The following DGKD variants were observed in gnomAD, a reference collection of about 807,000 sequenced individuals.
The protein encoded by DGKD is diacylglycerol kinase delta.
DGKD carries 68 observed loss-of-function variants against 154.4 expected under a neutral mutation model. The ratio of observed to expected loss-of-function variants is 0.44; its 90% CI spans 0.36 to 0.54. The LOEUF (loss-of-function observed/expected upper bound fraction) is 0.54. Among genes scored for constraint, DGKD ranks in the 20% least tolerant of loss-of-function variants. The pLI, the probability that DGKD is intolerant of heterozygous loss-of-function variation, is 0.00. For missense variants in DGKD, 1,343 were observed against 1,593.6 expected (o/e 0.84, Z 2.68); for synonymous variants, 693 against 638.0 (o/e 1.09, Z -1.30).
rs181442472 is a variant in DGKD at position 233,403,909 on chromosome 2, G to A, written c.348+13426G>A. Among the ~76,000 whole-genome samples, 8 of 152,156 alleles carry A rather than the reference G, an allele frequency of 5.3e-5. No homozygotes were observed. The East Asian group carries it at 1.6e-3, about 30-fold the overall frequency. On this transcript the variant is annotated intron_variant, in intron 3 of 29. Coordinates refer to ENST00000264057, the MANE Select transcript of DGKD (RefSeq NM_152879.3). ...CCCACCTTGGATTCCCAAAGTGCTG[G>A]GATTACAGGCGTGAGCCACTGCGCC...
At chr2:233,413,914 A>G (rs531963967) in intron 3 of DGKD, among the ~76,000 whole-genome samples, 2 of 152,168 alleles carry the variant, frequency 1.3e-5, no homozygotes, top group South Asian at 2.1e-4. Context: ...ACTTCTTTTC[A>G]TTTTTACAAT....
At position 233,388,259 on chromosome 2, in the gene DGKD, C is replaced by T; in HGVS notation, c.159C>T (p.Thr53=). ...TGAATATGTTTCTGTACTTTCAGAC[C>T]ATCATCAAAGAGGGGATGCTGACCA... ...VSTSGQIRQK[T]IIKEGMLTKQ... is the part of the protein sequence containing the mutation. Residue 53 remains threonine, a splice_region_variant and synonymous_variant, in exon 2 of 30, where the codon ACC becomes ACT. Transcript: ENST00000264057. 2 of 1,611,860 alleles carry T rather than the reference C, an allele frequency of 1.2e-6. No individual in the cohort carries two copies. Among genetic ancestry groups the T allele is most frequent in the Non-Finnish European group, 8.5e-7 (1 of 1,179,422 alleles).
At chr2:233,424,107 T>TG (rs1368019971) in intron 3 of DGKD, among the ~76,000 whole-genome samples, 3 of 152,228 alleles carry the variant, frequency 2.0e-5, no homozygotes, top group African/African-American at 4.8e-5. Context: ...TACCCATCCC[T>TG]GCTCGCTCGT....
chr2:233,362,695 A>T (rs1383693996), intron 1 of DGKD, among the ~76,000 whole-genome samples: 1 of 152,212 alleles, frequency 6.6e-6, no homozygotes, highest in Non-Finnish European at 1.5e-5. Flanking sequence ...AGAATTTTCT[A>T]CAACAAATAA....
intron 3 of DGKD, among the ~76,000 whole-genome samples, chr2:233,399,544 G>T (rs1012371268): frequency 6.6e-6 from 1 of 152,188 alleles, no homozygotes; most frequent in South Asian, 2.1e-4. Context: ...AAGGGGGTAC[G>T]TGGCTGTGGG....
chr2:233,426,441 C>T (rs897511876), intron 3 of DGKD, among the ~76,000 whole-genome samples: 1 of 152,170 alleles, frequency 6.6e-6, no homozygotes, highest in Non-Finnish European at 1.5e-5. Flanking sequence ...AACACTGCAG[C>T]CCCCGGAATC....
At chr2:233,469,253 T>G (rs1356321244) in intron 29 of DGKD, 118 bp from the exon 30 acceptor site, 1 of 805,244 alleles carries the variant, frequency 1.2e-6, no homozygotes, top group Non-Finnish European at 2.1e-6. Context: ...TTTTGTCATT[T>G]TGGCTCTCAT....
chr2:233,398,464 A>G (rs528023137), intron 3 of DGKD, among the ~76,000 whole-genome samples: 23 of 151,974 alleles, frequency 1.5e-4, no homozygotes, highest in African/African-American at 5.3e-4. Context: ...AATATTTTTT[A>G]AAAGTTTTCT....
Position 233,448,326 on chromosome 2 carries a change from A to G in DGKD, c.1565A>G (p.Tyr522Cys), listed in dbSNP as rs1329722452. 2 of 1,614,100 alleles carry G rather than the reference A, an allele frequency of 1.2e-6. No homozygotes were observed. The highest frequency in any genetic ancestry group is 1.7e-6 in the Non-Finnish European group (2 of 1,180,004). Residue 522 changes from tyrosine to cysteine, a missense_variant, in exon 14 of 30, where the codon TAT becomes TGT. By Grantham distance (194) the Tyr-to-Cys change is radical. Transcript: ENST00000264057. ...KDFVARVGKA[Y>C]EKTTESSEES... is the part of the protein sequence containing the mutation. Reference sequence around the variant, plus strand: ...TTCGTGGCACGGGTGGGGAAGGCCTATGAGAAGACGACCGAGAGCTCGGAG... The same window carrying G: ...TTCGTGGCACGGGTGGGGAAGGCCTGTGAGAAGACGACCGAGAGCTCGGAG...
chr2:233,358,959 T>C (rs992173674), intron 1 of DGKD, among the ~76,000 whole-genome samples: 10 of 152,220 alleles, frequency 6.6e-5, no homozygotes. Context: ...ACCGGACTAT[T>C]TTCCAGCTAA....
intron 1 of DGKD, among the ~76,000 whole-genome samples, chr2:233,362,461 GC>G (rs766913934): frequency 1.8e-4 from 27 of 152,218 alleles, no homozygotes; most frequent in Non-Finnish European, 3.8e-4. Context: ...GACCAGCTTG[GC>G]CAACATGGTG....
chr2:233,354,834 A>C lies in DGKD; in HGVS notation c.156+160A>C. On this transcript the variant is annotated intron_variant, in intron 1 of 29. Transcript: ENST00000264057. This position sits in a 1 kb window ranked among gnomAD's most constrained non-coding sequence, Gnocchi z 4.8. ...CTGTCGAGCGTGCCCCGCCGCTGTAACGGGCCGGCGCCCCGGGCGGAGCGC... is the reference window on the plus strand; with the variant it reads ...CTGTCGAGCGTGCCCCGCCGCTGTACCGGGCCGGCGCCCCGGGCGGAGCGC... Among the ~76,000 whole-genome samples, 1 of 142,734 alleles carries C rather than the reference A, an allele frequency of 7.0e-6. No individual in the cohort carries two copies. Among genetic ancestry groups the C allele is most frequent in the Non-Finnish European group, 1.5e-5 (1 of 64,602 alleles). The allele number at this position is 142,734 out of a possible 152,430, so 93.6% of individuals were successfully genotyped here. A position where few individuals can be genotyped will look rare whatever the true frequency, so the allele number is the denominator to read the frequency against.
rs1479377300 is a variant in DGKD, at chr2:233,390,399, C to G, written c.268-4C>G. 6.2e-7 allele frequency: 1 copy of G among 1,613,352 alleles called. No individual in the cohort carries two copies. Among genetic ancestry groups the G allele is most frequent in the Non-Finnish European group, 8.5e-7 (1 of 1,179,504 alleles). Reference sequence around the variant, plus strand: ...CCTTAGTCCCTGTGTTTGTCTCTTTCTAGTCAATCATATTTGATGAGGTGG... The same window carrying G: ...CCTTAGTCCCTGTGTTTGTCTCTTTGTAGTCAATCATATTTGATGAGGTGG... On this transcript the variant is annotated splice_region_variant and splice_polypyrimidine_tract_variant and intron_variant, in intron 2 of 29. Transcript: ENST00000264057.
At chr2:233,429,135 T>C in intron 3 of DGKD, 1 of 985,336 alleles carries the variant, frequency 1.0e-6, no homozygotes, top group Non-Finnish European at 1.2e-6. Flanking sequence ...GGCCCAAAGA[T>C]CCATCTTCTC....
At chr2:233,434,353 A>G (rs149371433) in intron 3 of DGKD, 27 bp from the exon 4 acceptor site, 1,784 of 1,585,846 alleles carry the variant, frequency 1.1e-3, no homozygotes, top group Non-Finnish European at 1.5e-3. Context: ...TTGTTCATGG[A>G]TCTGTTGAAC....
chr2:233,388,162 G>A (rs907832425), intron 1 of DGKD, 95 bp from the exon 2 acceptor site: 85 of 1,560,694 alleles, frequency 5.4e-5, no homozygotes, highest in Middle Eastern at 1.7e-4. Context: ...TTAGAGACAC[G>A]AATATGTTTC....
rs764884117 is a variant in DGKD at position 233,446,808 on chromosome 2, C to T, written c.1419+12C>T. ...GCGAGGATTCCGAGGTATTGCTGGC[C>T]TGTTCTTCACACCCTGCTCGCATGC... On this transcript the variant is annotated intron_variant, in intron 12 of 29. Coordinates refer to ENST00000264057, the MANE Select transcript of DGKD (RefSeq NM_152879.3). 4.3e-6 allele frequency: 7 copies of T among 1,614,044 alleles called. No individual in the cohort carries two copies. The South Asian group carries it at 6.6e-5, about 15-fold the overall frequency.
In DGKD at chr2:233,450,983, T is replaced by C. The variant is rs563377192; in HGVS notation, c.2100T>C (p.Ala700=). 88 of 1,612,484 alleles carry C rather than the reference T, an allele frequency of 5.5e-5. No individual in the cohort carries two copies. In the East Asian group the frequency reaches 1.9e-3, roughly 36 times the overall value. Residue 700 remains alanine, a synonymous_variant, in exon 17 of 30, where the codon GCT becomes GCC. Coordinates refer to ENST00000264057, the MANE Select transcript of DGKD (RefSeq NM_152879.3). ...SKGSLSLGSS[A]SLPPQPGSRD... ...GGAGTCTGTCCCTAGGCAGTTCTGC[T>C]TCCCTTCCGCCCCAGCCGGGAAGCC...
intron 1 of DGKD, chr2:233,385,872 C>T (rs1016214221): frequency 1.8e-5 from 8 of 450,448 alleles, no homozygotes; most frequent in Non-Finnish European, 3.2e-5. Flanking sequence ...TTTTCCCCAG[C>T]CTTTTCCGCT....
Sources: allele counts gnomAD v4.1 joint callset (sites outside exome capture counted in the v4.1 genomes callset), GRCh38; gene constraint gnomAD v4.1.1; non-coding constraint Gnocchi (gnomAD v3.1); transcripts MANE v1.5; gene names NCBI Gene and HGNC (gene_info 2026-07-23, HGNC 2026-07-21).